Variants in ADGRB1 observed in about 807,000 individuals in gnomAD.
ADGRB1 encodes the protein adhesion G protein-coupled receptor B1, also known as brain-specific angiogenesis inhibitor 1.
In ADGRB1, 36 loss-of-function variants were observed where a neutral mutation model predicts 175.7. The ratio of observed to expected loss-of-function variants is 0.20; its 90% CI spans 0.16 to 0.27. The LOEUF (loss-of-function observed/expected upper bound fraction) is 0.27. Among genes scored for constraint, ADGRB1 ranks in the 10% least tolerant of loss-of-function variants. The probability of loss-of-function intolerance (pLI) is 1.00; values close to 1 mark genes in which losing one functional copy is unlikely to be tolerated. For missense variants in ADGRB1, 1,731 were observed against 2,255.3 expected, an observed-to-expected ratio of 0.77 and a Z score of 4.71; for synonymous variants, 1,054 against 979.4, an observed-to-expected ratio of 1.08 and a Z score of -1.42.
intron 9 of ADGRB1, 118 bp downstream of exon 9, chr8:142,479,912 C>T (rs1209368339): frequency 2.1e-5 from 24 of 1,132,752 alleles, no homozygotes; most frequent in Non-Finnish European, 2.8e-5. Flanking sequence ...AGACAGCCTG[C>T]GTGTGCTGGC....
At chr8:142,528,056 C>T (rs982132079) in intron 24 of ADGRB1, among the ~76,000 whole-genome samples, 10 of 131,966 alleles carry the variant, frequency 7.6e-5, no homozygotes, top group South Asian at 4.8e-4. Context: ...TAGGTCTCGC[C>T]GCCCACGTAG....
chr8:142,478,436 C>G, intron 7 of ADGRB1, 76 bp downstream of exon 7: 1 of 1,429,182 alleles, frequency 7.0e-7, no homozygotes. Flanking sequence ...GGCCCCACAG[C>G]GGGTGGGGGT....
intron 27 of ADGRB1, among the ~76,000 whole-genome samples, chr8:142,540,904 A>G (rs370222239): frequency 1.1e-3 from 163 of 151,650 alleles, no homozygotes; most frequent in African/African-American, 3.8e-3. Flanking sequence ...TGGCCTGCTG[A>G]GCTCTGAGGG....
In ADGRB1 at chr8:142,478,092, G is replaced by A; in HGVS notation, c.1388-95G>A. On this transcript the variant is annotated intron_variant, in intron 6 of 30. Coordinates refer to ENST00000517894, the MANE Select transcript of ADGRB1 (RefSeq NM_001702.3). The stretch of plus-strand genomic sequence containing the variant: ...TCATCTATGTCCCAGGCTGGGTGTG[G>A]GGTGGTAGCACCCAGGGTGCTCACA... 7 of 1,493,842 alleles carry A rather than the reference G, an allele frequency of 4.7e-6. No homozygotes were observed. In the South Asian group the frequency reaches 8.7e-5, roughly 19 times the overall value. The allele number at this position is 1,493,842 out of a possible 1,614,324, so 92.5% of individuals were successfully genotyped here.
chr8:142,483,495 C>T (rs191937678), intron 11 of ADGRB1, among the ~76,000 whole-genome samples: 25 of 150,684 alleles, frequency 1.7e-4, no homozygotes, highest in African/African-American at 6.1e-4. Flanking sequence ...CATGCTGAAC[C>T]CTGGCCCTGG....
At chr8:142,461,583 C>G (rs1324664770) in intron 1 of ADGRB1, among the ~76,000 whole-genome samples, 1 of 152,230 alleles carries the variant, frequency 6.6e-6, no homozygotes, top group Non-Finnish European at 1.5e-5. Context: ...CTTGTACACC[C>G]CAGCTCCTGT....
At position 142,537,210 on chromosome 8, in the gene ADGRB1, C is replaced by A. The variant is rs1475817617; in HGVS notation, c.3666+128C>A. The A allele has an allele frequency of 1.4e-6, 1 of 697,024 alleles. No homozygotes were observed. The highest frequency in any genetic ancestry group is 2.1e-6 in the Non-Finnish European group (1 of 468,990). The allele number at this position is 697,024 out of a possible 1,614,324, so 43.2% of individuals were successfully genotyped here. ...AACCCTGCTGAGAGGAGCTCTGAACCCAGTGTGCAGTTGGGGAAACTGAGG... is the reference window on the plus strand; with the variant it reads ...AACCCTGCTGAGAGGAGCTCTGAACACAGTGTGCAGTTGGGGAAACTGAGG... On this transcript the variant is annotated intron_variant, in intron 26 of 30. Coordinates refer to ENST00000517894, the MANE Select transcript of ADGRB1 (RefSeq NM_001702.3). This position sits in a 1 kb window ranked among gnomAD's most constrained non-coding sequence, Gnocchi z 4.6.
intron 12 of ADGRB1, 54 bp from the exon 13 acceptor site, chr8:142,484,602 G>GGCTA: frequency 6.6e-7 from 1 of 1,507,352 alleles, no homozygotes. Context: ...AGGAGGCAGG[G>GGCTA]GCTAAGGGAC....
rs554461402 is a variant in ADGRB1 at position 142,537,521 on chromosome 8, G to A, written c.3666+439G>A. On this transcript the variant is annotated intron_variant, in intron 26 of 30. Coordinates refer to ENST00000517894, the MANE Select transcript of ADGRB1 (RefSeq NM_001702.3). The surrounding 1 kb of genome is among the most constrained non-coding windows in gnomAD (Gnocchi z 4.6). ...CCTGCCCATCCCCTCCCCCTACCCC[G>A]CATATTCCCACCTGCTGCCTCCCTG... 1.2e-4 allele frequency among the ~76,000 whole-genome samples: 18 copies of A among 147,940 alleles called. No individual in the cohort carries two copies. The South Asian group carries it at 1.8e-3, about 14-fold the overall frequency.
chr8:142,504,746 G>A lies in ADGRB1; in HGVS notation c.2676-6186G>A, dbSNP rs145676665. On this transcript the variant is annotated intron_variant, in intron 17 of 30. Transcript: ENST00000517894. The surrounding 1 kb of genome is among the most constrained non-coding windows in gnomAD (Gnocchi z 5.6). ...GCTTGTACCTAGGGGTGATCGAGCC[G>A]CGTGTTGGTTTAAGGGGCACTGGGG... Among the ~76,000 whole-genome samples the A allele has an allele frequency of 2.4e-3, 365 of 152,144 alleles. 1 individual carries two copies. The highest frequency in any genetic ancestry group is 8.2e-3 in the African/African-American group (342 of 41,482).
At chr8:142,452,199 T>G (rs1839391659) in intron 1 of ADGRB1, among the ~76,000 whole-genome samples, 1 of 152,118 alleles carries the variant, frequency 6.6e-6, no homozygotes, top group African/African-American at 2.4e-5. Context: ...TGCGCCTCGA[T>G]CTGGGGGGCA....
At chr8:142,495,233 G>A (rs1482639939) in intron 17 of ADGRB1, among the ~76,000 whole-genome samples, 3 of 152,054 alleles carry the variant, frequency 2.0e-5, no homozygotes, top group Middle Eastern at 3.4e-3. Flanking sequence ...GTTGCTGGGG[G>A]ATGGGGAGGC....
intron 1 of ADGRB1, among the ~76,000 whole-genome samples, chr8:142,457,107 G>C (rs1388220250): frequency 6.6e-6 from 1 of 152,194 alleles, no homozygotes; most frequent in Non-Finnish European, 1.5e-5. Context: ...GAGATGCAGT[G>C]AGGCCCGGAA....
chr8:142,462,742 G>A (rs909634019), intron 1 of ADGRB1, among the ~76,000 whole-genome samples: 1 of 152,258 alleles, frequency 6.6e-6, no homozygotes, highest in Non-Finnish European at 1.5e-5. Context: ...CCTGGGGGAG[G>A]GGGACTGGCT....
chr8:142,476,956 C>T (rs1020909321), intron 4 of ADGRB1, among the ~76,000 whole-genome samples, 158 bp from the exon 5 acceptor site: 3 of 152,192 alleles, frequency 2.0e-5, no homozygotes, highest in African/African-American at 7.2e-5. Flanking sequence ...GGGGAAATGG[C>T]CAGTTCTTGA....
At chr8:142,469,496 CATGTGTGA>C (rs1465755875) in intron 2 of ADGRB1, among the ~76,000 whole-genome samples, 2 of 131,820 alleles carry the variant, frequency 1.5e-5, no homozygotes, top group East Asian at 2.4e-4. Flanking sequence ...TATGCACGTG[CATGTGTGA>C]ATGTGTGTGT....
chr8:142,515,739 G>T (rs1219975735), intron 18 of ADGRB1, among the ~76,000 whole-genome samples: 15 of 152,032 alleles, frequency 9.9e-5, no homozygotes, highest in Admixed American at 7.2e-4. Flanking sequence ...GGATCGGGGG[G>T]CCGGTGGGAG....
chr8:142,498,912 C>T (rs1587350149), intron 17 of ADGRB1, among the ~76,000 whole-genome samples: 1 of 152,202 alleles, frequency 6.6e-6, no homozygotes, highest in Admixed American at 6.5e-5. Context: ...CGCTAGTCTG[C>T]CTGCCAGACC....
chr8:142,541,217 C>T (rs1845253001), intron 27 of ADGRB1, among the ~76,000 whole-genome samples: 1 of 151,980 alleles, frequency 6.6e-6, no homozygotes, highest in Non-Finnish European at 1.5e-5. Context: ...GCGGCTGGGT[C>T]AGAGTCAGCT....
Sources: gnomAD v4.1 joint callset for allele counts (sites outside exome capture counted in the v4.1 genomes callset) on GRCh38, gnomAD v4.1.1 for gene constraint, Gnocchi (gnomAD v3.1) non-coding constraint, MANE v1.5 for transcripts, NCBI Gene and HGNC (gene_info 2026-07-23, HGNC 2026-07-21) for gene names.